ARHGEF3: variants seen among roughly 807,000 people sequenced by gnomAD.
The protein encoded by ARHGEF3 is 59.8 kDA protein.
In ARHGEF3, 28 loss-of-function variants were observed where a neutral mutation model predicts 63.2. The ratio of observed to expected loss-of-function variants is 0.44; its 90% CI spans 0.33 to 0.61. The LOEUF (loss-of-function observed/expected upper bound fraction) is 0.61, where lower values mean the gene tolerates loss of function less well. ARHGEF3 is among the 20% of genes least tolerant of loss of function. The probability of loss-of-function intolerance (pLI) is 0.03; values close to 1 mark genes in which losing one functional copy is unlikely to be tolerated. For synonymous variants in ARHGEF3, 266 were observed against 254.2 expected (o/e 1.05, Z -0.44); for missense variants, 533 against 659.3 (o/e 0.81, Z 2.10).
intron 1 of ARHGEF3, among the ~76,000 whole-genome samples, chr3:57,044,029 T>C (rs763575218): frequency 9.2e-5 from 14 of 152,210 alleles, no homozygotes; most frequent in Admixed American, 6.5e-4. Context: ...ATCACCCCCT[T>C]GGATTTTCCC....
chr3:57,071,826 G>T (rs1705923315), intron 1 of ARHGEF3, among the ~76,000 whole-genome samples: 2 of 151,946 alleles, frequency 1.3e-5, no homozygotes, highest in African/African-American at 4.8e-5. Flanking sequence ...TCAAGAAAGT[G>T]AAAAAATAAC....
chr3:56,737,372 G>A lies in ARHGEF3; in HGVS notation c.871-17C>T, dbSNP rs1389180271. ...GATATTTATCTATGAAAACAAAGAGGAAAATTAAGTATGGAGGAAAGCAGC... is the reference window on the plus strand; with the variant it reads ...GATATTTATCTATGAAAACAAAGAGAAAAATTAAGTATGGAGGAAAGCAGC... On this transcript the variant is annotated splice_polypyrimidine_tract_variant and intron_variant, in intron 7 of 9. Coordinates refer to ENST00000296315, the MANE Select transcript of ARHGEF3 (RefSeq NM_019555.3). The A allele has an allele frequency of 1.3e-6, 2 of 1,599,652 alleles. No homozygotes were observed. The highest frequency in any genetic ancestry group is 4.5e-5 in the East Asian group (2 of 44,760).
intron 2 of ARHGEF3, among the ~76,000 whole-genome samples, chr3:56,994,825 G>A (rs1701909817): frequency 1.3e-5 from 2 of 152,142 alleles, no homozygotes; most frequent in Non-Finnish European, 2.9e-5. Context: ...GTGAAACTGT[G>A]ATCCCCATGT....
chr3:56,982,883 C>T (rs1701381177), intron 2 of ARHGEF3, among the ~76,000 whole-genome samples: 1 of 151,992 alleles, frequency 6.6e-6, no homozygotes, highest in Non-Finnish European at 1.5e-5. Context: ...CCCCGCAGTC[C>T]AGGCAACCTG....
chr3:57,074,299 G>C (rs1358506944), intron 1 of ARHGEF3: 2 of 1,578,518 alleles, frequency 1.3e-6, no homozygotes, highest in Middle Eastern at 1.7e-4. Context: ...CTGAGAGTCT[G>C]GCAGCTGTTT....
chr3:56,782,354 A>G (rs762969479), intron 1 of ARHGEF3, among the ~76,000 whole-genome samples: 3 of 152,194 alleles, frequency 2.0e-5, no homozygotes, highest in Admixed American at 6.5e-5. Context: ...ACTCAGAACT[A>G]TAATTTTCCT....
intron 4 of ARHGEF3, among the ~76,000 whole-genome samples, chr3:56,847,752 A>AT (rs2039537397): frequency 6.6e-6 from 1 of 152,020 alleles, no homozygotes; most frequent in Non-Finnish European, 1.5e-5. Flanking sequence ...TAATTTTTGT[A>AT]TTTTTAGTAG....
At chr3:57,001,924 TTTTTTGTTTTTTG>T (rs1560121883) in intron 2 of ARHGEF3, among the ~76,000 whole-genome samples, 1 of 67,484 alleles carries the variant, frequency 1.5e-5, no homozygotes, top group African/African-American at 6.3e-5. Context: ...AGTTTTTTTT[TTTTTTGTTTTTTG>T]TTTTGAGACG....
At chr3:56,979,239 T>C (rs1199678830) in intron 2 of ARHGEF3, among the ~76,000 whole-genome samples, 4 of 152,242 alleles carry the variant, frequency 2.6e-5, no homozygotes, top group Non-Finnish European at 5.9e-5. Flanking sequence ...TGTGAAAATA[T>C]GGAATTATCT....
chr3:56,864,964 A>C (rs1254537851), intron 4 of ARHGEF3, among the ~76,000 whole-genome samples: 2 of 152,192 alleles, frequency 1.3e-5, no homozygotes, highest in African/African-American at 4.8e-5. Context: ...CAAGGTCCCA[A>C]AGGCAATTTT....
At chr3:57,016,715 C>T (rs1703020228) in intron 2 of ARHGEF3, among the ~76,000 whole-genome samples, 2 of 152,064 alleles carry the variant, frequency 1.3e-5, no homozygotes, top group South Asian at 4.1e-4. Context: ...ATCCAAATGC[C>T]CACCCACACC....
chr3:57,010,518 C>A (rs567967043), intron 2 of ARHGEF3, among the ~76,000 whole-genome samples: 20 of 150,668 alleles, frequency 1.3e-4, no homozygotes, highest in Admixed American at 4.0e-4. Context: ...CTATATGTGA[C>A]AACTATGTAC....
At chr3:57,018,891 C>T (rs895915889) in intron 2 of ARHGEF3, among the ~76,000 whole-genome samples, 28 of 151,986 alleles carry the variant, frequency 1.8e-4, no homozygotes, top group African/African-American at 6.3e-4. Flanking sequence ...GGTCATAAAA[C>T]AAAGAAGGAA....
At chr3:56,861,770 G>A (rs894412833) in intron 4 of ARHGEF3, among the ~76,000 whole-genome samples, 7 of 151,978 alleles carry the variant, frequency 4.6e-5, no homozygotes, top group South Asian at 2.1e-4. Context: ...AGATCCTGCC[G>A]GAAGCATCCC....
At chr3:56,783,712 AC>A (rs2036666388) in intron 1 of ARHGEF3, among the ~76,000 whole-genome samples, 1 of 152,224 alleles carries the variant, frequency 6.6e-6, no homozygotes, top group Non-Finnish European at 1.5e-5. Flanking sequence ...ATAAAACAAA[AC>A]CACTGTTTCA....
intron 1 of ARHGEF3, among the ~76,000 whole-genome samples, chr3:56,780,678 CA>C (rs1432527142): frequency 7.9e-5 from 12 of 152,208 alleles, no homozygotes; most frequent in African/African-American, 2.9e-4. Flanking sequence ...CTCTAATTGA[CA>C]CTTGTGAAGA....
intron 2 of ARHGEF3, among the ~76,000 whole-genome samples, chr3:56,991,620 T>G (rs1193327470): frequency 6.6e-6 from 1 of 152,180 alleles, no homozygotes; most frequent in Admixed American, 6.5e-5. Context: ...CAGTTTTGTT[T>G]TGTTTTGTTT....
chr3:56,966,837 CTT>C (rs1156630461), intron 2 of ARHGEF3, among the ~76,000 whole-genome samples: 3 of 145,570 alleles, frequency 2.1e-5, no homozygotes, highest in Admixed American at 7.0e-5. Context: ...CTCTGTCAGC[CTT>C]TTTTTTTTTA....
chr3:56,794,442 C>T (rs931420181), intron 1 of ARHGEF3, among the ~76,000 whole-genome samples: 3 of 146,256 alleles, frequency 2.1e-5, no homozygotes, highest in East Asian at 2.0e-4. Context: ...AAGCTGAGAT[C>T]GCACCACTGC....
Sources: allele counts gnomAD v4.1 joint callset (sites outside exome capture counted in the v4.1 genomes callset), GRCh38; gene constraint gnomAD v4.1.1; transcripts MANE v1.5; gene names NCBI Gene and HGNC (gene_info 2026-07-23, HGNC 2026-07-21).